The following TLN2 variants were observed in gnomAD, a reference collection of about 807,000 sequenced individuals.
The protein encoded by TLN2 is talin-2.
Under a neutral mutation model 294.7 loss-of-function variants are expected in TLN2, and 118 were observed. The ratio of observed to expected loss-of-function variants is 0.40; its 90% CI spans 0.34 to 0.47. The LOEUF (loss-of-function observed/expected upper bound fraction) is 0.47, where lower values mean the gene tolerates loss of function less well. Ranked by LOEUF, TLN2 falls within the 20% of genes least tolerant of loss-of-function variation. The probability of loss-of-function intolerance (pLI) is 0.84; values close to 1 mark genes in which losing one functional copy is unlikely to be tolerated. For synonymous variants in TLN2, 1,431 were observed against 1,304.5 expected, an observed-to-expected ratio of 1.10 and a Z score of -2.09; for missense variants, 3,083 against 3,282.2, an observed-to-expected ratio of 0.94 and a Z score of 1.48.
At chr15:62,721,705 C>T (rs2060159147) in intron 25 of TLN2, among the ~76,000 whole-genome samples, 1 of 152,066 alleles carries the variant, frequency 6.6e-6, no homozygotes, top group East Asian at 1.9e-4. Context: ...AGCTGTAGAG[C>T]TGTTTATCAT....
At position 62,714,189 on chromosome 15, in the gene TLN2, G is replaced by GTTTTTTTTTTTTTTTTTT. The variant is rs5813163; in HGVS notation, c.2634+2114_2635-2123dup. Among the ~76,000 whole-genome samples, 6 of 96,394 alleles carry GTTTTTTTTTTTTTTTTTT rather than the reference G, an allele frequency of 6.2e-5. 2 individuals carry two copies. The highest frequency in any genetic ancestry group is 7.8e-5 in the Non-Finnish European group (4 of 51,134). 63.2% of individuals were successfully genotyped at this position (96,394 alleles called of 152,430 possible). The stretch of plus-strand genomic sequence containing the variant: ...AGTATTGAGCCAGGCCAATGTGCAC[G>GTTTTTTTTTTTTTTTTTT]TTTTTTTTTTTTTTTTTTTCTTTTT... On this transcript the variant is annotated intron_variant, in intron 22 of 58. Coordinates refer to ENST00000636159, the MANE Select transcript of TLN2 (RefSeq NM_015059.3).
At chr15:62,647,254 T>C (rs945556490) in intron 3 of TLN2, 21 bp from the exon 4 acceptor site, 62 of 1,576,886 alleles carry the variant, frequency 3.9e-5, no homozygotes, top group Non-Finnish European at 5.2e-5. Context: ...ACATCAGGGT[T>C]TGTCTCTTTG....
intron 1 of TLN2, among the ~76,000 whole-genome samples, chr15:62,473,820 A>G (rs1317418048): frequency 2.0e-5 from 3 of 152,214 alleles, no homozygotes; most frequent in African/African-American, 4.8e-5. Flanking sequence ...AGGGCCGGGC[A>G]TGGTGGCTCA....
At chr15:62,475,721 T>C (rs867915237) in intron 1 of TLN2, among the ~76,000 whole-genome samples, 2 of 152,348 alleles carry the variant, frequency 1.3e-5, no homozygotes, top group Middle Eastern at 3.4e-3. Context: ...TGAACTTTGT[T>C]TTTGACGAAA....
chr15:62,740,360 C>G, intron 31 of TLN2: 2 of 374,664 alleles, frequency 5.3e-6, no homozygotes, highest in Admixed American at 8.3e-5. Flanking sequence ...CGCTTAATGC[C>G]TCTAGTTGTG....
chr15:62,829,142 T>A (rs1425248981), intron 54 of TLN2: 2 of 120,890 alleles, frequency 1.7e-5, no homozygotes, highest in Non-Finnish European at 3.3e-5. Flanking sequence ...TGAGGGTACA[T>A]AGTAGGTATA....
chr15:62,823,085 C>A (rs2141212395), intron 54 of TLN2, among the ~76,000 whole-genome samples: 1 of 152,290 alleles, frequency 6.6e-6, no homozygotes, highest in East Asian at 1.9e-4. Flanking sequence ...TCAAGGTTAA[C>A]ATAACTGATG....
chr15:62,815,180 CACACA>C (rs2067009446), intron 52 of TLN2, among the ~76,000 whole-genome samples: 1 of 4,506 alleles, frequency 2.2e-4, no homozygotes, highest in Admixed American at 2.8e-3. Context: ...CTGTCTGTCA[CACACA>C]CACACACACA....
Position 62,835,763 on chromosome 15 carries a change from AGAC to A in TLN2, c.7160_7162del (p.Asp2387del). Reference sequence around the variant, plus strand: ...TGGGCTCCATCCCTGCCAATGCTGCAGACGACGGACAGTGGTCACAGGGGCTGA... The same window carrying A: ...TGGGCTCCATCCCTGCCAATGCTGCAGACGGACAGTGGTCACAGGGGCTGA... On this transcript the variant is annotated inframe_deletion, in exon 56 of 59. Transcript: ENST00000636159. 6.2e-7 allele frequency: 1 copy of A among 1,614,194 alleles called. No individual in the cohort carries two copies. Among genetic ancestry groups the A allele is most frequent in the South Asian group, 1.1e-5 (1 of 91,082 alleles).
intron 1 of TLN2, among the ~76,000 whole-genome samples, chr15:62,443,956 C>T (rs1290657913): frequency 6.6e-6 from 1 of 152,172 alleles, no homozygotes; most frequent in Non-Finnish European, 1.5e-5. Context: ...CCACTCTGCT[C>T]CTGCCTGGGT....
At chr15:62,530,950 G>A (rs192218878) in intron 1 of TLN2, among the ~76,000 whole-genome samples, 29 of 152,100 alleles carry the variant, frequency 1.9e-4, no homozygotes, top group Admixed American at 1.9e-3. Flanking sequence ...TTATTCATTT[G>A]TTAGAGCTCT....
chr15:62,805,781 G>C lies in TLN2; in HGVS notation c.6659G>C (p.Cys2220Ser), dbSNP rs1277012089. ...RKAVSDMLTA[C>S]KQASFHPDVS... ...GCCGTGTCAGATATGTTGACGGCTT[G>C]CAAGGTAAAGAGCTTGGCATGGTTT... Residue 2220 changes from cysteine (C) to serine (S), a missense_variant, in exon 51 of 59, where the codon TGC becomes TCC. Coordinates refer to ENST00000636159, the MANE Select transcript of TLN2 (RefSeq NM_015059.3). The C allele has an allele frequency of 3.7e-6, 6 of 1,612,964 alleles. No individual in the cohort carries two copies. The highest frequency in any genetic ancestry group is 5.1e-6 in the Non-Finnish European group (6 of 1,179,184).
chr15:62,787,903 G>T (rs942833552), intron 45 of TLN2, among the ~76,000 whole-genome samples: 3 of 150,246 alleles, frequency 2.0e-5, no homozygotes, highest in Non-Finnish European at 4.4e-5. Context: ...CATTGTCCAG[G>T]CTGGTCTCGA....
At chr15:62,737,210 T>G in intron 29 of TLN2, 124 bp downstream of exon 29, 3 of 1,003,180 alleles carry the variant, frequency 3.0e-6, no homozygotes, top group Non-Finnish European at 4.4e-6. Context: ...TTCAGAAACT[T>G]CCAAAGGTCA....
chr15:62,777,720 C>G (rs964786074), intron 43 of TLN2, among the ~76,000 whole-genome samples: 1 of 152,084 alleles, frequency 6.6e-6, no homozygotes, highest in Non-Finnish European at 1.5e-5. Flanking sequence ...CCACTGAAAT[C>G]GTATATATGC....
At chr15:62,410,172 A>G (rs2033685590) in intron 1 of TLN2, among the ~76,000 whole-genome samples, 1 of 151,942 alleles carries the variant, frequency 6.6e-6, no homozygotes, top group African/African-American at 2.4e-5. Flanking sequence ...AACCCGGGAG[A>G]CGGAGGTTGC....
At chr15:62,742,592 CT>C (rs1158467925) in intron 32 of TLN2, among the ~76,000 whole-genome samples, 2 of 152,172 alleles carry the variant, frequency 1.3e-5, no homozygotes, top group Admixed American at 1.3e-4. Context: ...TGCAGGCCCC[CT>C]GGTGGTGGCT....
chr15:62,556,501 T>A (rs1452350048), intron 1 of TLN2, among the ~76,000 whole-genome samples: 4 of 151,868 alleles, frequency 2.6e-5, no homozygotes. Context: ...TTTGTAGAGA[T>A]GGAGTTTTGC....
Position 62,702,770 on chromosome 15 carries a change from G to A in TLN2, c.1910G>A (p.Arg637Gln), listed in dbSNP as rs749772328. Residue 637 changes from arginine to glutamine, a missense_variant, in exon 19 of 59, where the codon CGA (arginine) becomes CAA (glutamine). Physicochemically the swap from Arg to Gln is conservative, Grantham distance 43. Coordinates refer to ENST00000636159, the MANE Select transcript of TLN2 (RefSeq NM_015059.3). ...KAVQPTSGEP[R>Q]QTVLTAAGSI... ...AGGTGTGTTGTTTGTTCACAGCCTCGACAGACAGTTTTGACTGCTGCTGGC... is the reference window on the plus strand; with the variant it reads ...AGGTGTGTTGTTTGTTCACAGCCTCAACAGACAGTTTTGACTGCTGCTGGC... 5.2e-5 allele frequency: 84 copies of A among 1,613,916 alleles called. No homozygotes were observed. The highest frequency in any genetic ancestry group is 1.6e-4 in the East Asian group (7 of 44,886).
Sources: allele counts gnomAD v4.1 joint callset (sites outside exome capture counted in the v4.1 genomes callset), GRCh38; gene constraint gnomAD v4.1.1; transcripts MANE v1.5; gene names NCBI Gene and HGNC (gene_info 2026-07-23, HGNC 2026-07-21).